ACSS3: variants seen among roughly 807,000 people sequenced by gnomAD.
ACSS3 encodes acyl-CoA synthetase short chain family member 3.
ACSS3 carries 64 observed loss-of-function variants against 84.2 expected under a neutral mutation model. The observed-to-expected ratio is 0.76, with a 90% confidence interval of 0.62 to 0.94. The LOEUF is 0.94. Among genes scored for constraint, ACSS3 ranks in the 40% least tolerant of loss-of-function variants. The pLI, the probability that ACSS3 is intolerant of heterozygous loss-of-function variation, is 0.00. For synonymous variants in ACSS3, 317 were observed against 310.1 expected (o/e 1.02, Z -0.23); for missense variants, 815 against 867.6 (o/e 0.94, Z 0.76).
intron 15 of ACSS3, among the ~76,000 whole-genome samples, chr12:81,254,039 A>G (rs1055589645): frequency 9.9e-5 from 15 of 152,084 alleles, no homozygotes; most frequent in African/African-American, 3.6e-4. Context: ...ATCCTCTCAC[A>G]TCAGTCTCAT....
At chr12:81,166,992 T>C (rs745413280) in intron 7 of ACSS3, among the ~76,000 whole-genome samples, 7 of 152,174 alleles carry the variant, frequency 4.6e-5, no homozygotes, top group African/African-American at 7.2e-5. Context: ...TGACTGCACA[T>C]CCACATGAAA....
At chr12:81,091,585 T>G (rs1269471011) in intron 1 of ACSS3, among the ~76,000 whole-genome samples, 1 of 151,954 alleles carries the variant, frequency 6.6e-6, no homozygotes, top group Non-Finnish European at 1.5e-5. Context: ...TTTGATGAAA[T>G]TTTCTCTTAC....
In ACSS3 at chr12:81,260,723, C is replaced by G. The variant is rs1185663003; in HGVS notation, c.*5801C>G. 2 of 152,178 alleles carry G rather than the reference C, an allele frequency of 1.3e-5. No individual in the cohort carries two copies. The highest frequency in any genetic ancestry group is 4.8e-5 in the African/African-American group (2 of 41,440). The allele number at this position is 152,178 out of a possible 1,614,324, so 9.4% of individuals were successfully genotyped here. On this transcript the variant is annotated 3_prime_UTR_variant, in exon 16 of 16. Coordinates refer to ENST00000548058, the MANE Select transcript of ACSS3 (RefSeq NM_024560.4). ...AAGACCAACAATAAATTGTGTGGCA[C>G]TTTTAGTTCAAGGCAATGAAAACAG...
At chr12:81,251,707 GT>G (rs1210146817) in intron 13 of ACSS3, among the ~76,000 whole-genome samples, 1 of 139,266 alleles carries the variant, frequency 7.2e-6, no homozygotes, top group African/African-American at 2.6e-5. Context: ...GCCAGCCATG[GT>G]GGTGTGCACC....
intron 7 of ACSS3, among the ~76,000 whole-genome samples, chr12:81,172,632 C>T (rs1357759731): frequency 6.6e-6 from 1 of 151,934 alleles, no homozygotes; most frequent in African/African-American, 2.4e-5. Context: ...CAAGACACTG[C>T]CTCAAAAACC....
chr12:81,216,066 G>C (rs1023275941), intron 9 of ACSS3, among the ~76,000 whole-genome samples: 2 of 151,866 alleles, frequency 1.3e-5, no homozygotes, highest in African/African-American at 2.4e-5. Flanking sequence ...TTTAAATGCA[G>C]GTTCTCTAGG....
intron 1 of ACSS3, among the ~76,000 whole-genome samples, chr12:81,107,559 T>TATAA (rs1883173665): frequency 3.5e-5 from 4 of 114,066 alleles, no homozygotes; most frequent in Admixed American, 1.9e-4. Context: ...TATATATATA[T>TATAA]AAATGTTTTT....
At chr12:81,143,386 C>A (rs1371699341) in intron 5 of ACSS3, 139 bp downstream of exon 5, 2 of 937,362 alleles carry the variant, frequency 2.1e-6, no homozygotes, top group East Asian at 2.8e-5. Flanking sequence ...TTTTTTTTTC[C>A]TGTGCCCAGT....
intron 8 of ACSS3, among the ~76,000 whole-genome samples, chr12:81,194,348 T>C (rs2031725336): frequency 6.6e-6 from 1 of 151,896 alleles, no homozygotes; most frequent in South Asian, 2.1e-4. Context: ...TCCTTAGTAT[T>C]ATACAATTAG....
intron 7 of ACSS3, among the ~76,000 whole-genome samples, chr12:81,154,042 T>A (rs974954908): frequency 6.6e-6 from 1 of 152,230 alleles, no homozygotes; most frequent in African/African-American, 2.4e-5. Context: ...GCATACTGAA[T>A]GTGCATTTAG....
At chr12:81,158,273 A>C (rs918479684) in intron 7 of ACSS3, 4 of 152,362 alleles carry the variant, frequency 2.6e-5, no homozygotes, top group Non-Finnish European at 5.9e-5. Context: ...ATTTTCAAAC[A>C]AATTCATAAA....
At chr12:81,085,259 T>C (rs1881237596) in intron 1 of ACSS3, among the ~76,000 whole-genome samples, 1 of 152,194 alleles carries the variant, frequency 6.6e-6, no homozygotes, top group African/African-American at 2.4e-5. Context: ...AGAATTGGTA[T>C]AAAGAGTACT....
chr12:81,139,828 G>T (rs958985532), intron 4 of ACSS3, among the ~76,000 whole-genome samples: 1 of 151,562 alleles, frequency 6.6e-6, no homozygotes, highest in Non-Finnish European at 1.5e-5. Context: ...GTAGAGACGG[G>T]GTTTCACCGT....
chr12:81,224,143 T>C (rs2033196790), intron 11 of ACSS3, among the ~76,000 whole-genome samples: 1 of 151,980 alleles, frequency 6.6e-6, no homozygotes, highest in Non-Finnish European at 1.5e-5. Context: ...CTTGGCAGAA[T>C]TGGGGAAGGT....
intron 1 of ACSS3, among the ~76,000 whole-genome samples, chr12:81,108,267 T>TATTAATTATTA (rs1555245688): frequency 9.5e-6 from 1 of 104,910 alleles, no homozygotes; most frequent in Non-Finnish European, 1.9e-5. Flanking sequence ...TATTATTAAT[T>TATTAATTATTA]ATTATTATTA....
chr12:81,244,514 T>C (rs887266338), intron 13 of ACSS3, among the ~76,000 whole-genome samples: 2 of 152,114 alleles, frequency 1.3e-5, no homozygotes, highest in African/African-American at 4.8e-5. Flanking sequence ...AGCTTTTCTA[T>C]TTGTTTTGAA....
At position 81,258,369 on chromosome 12, in the gene ACSS3, A is replaced by T. The variant is rs1485556421; in HGVS notation, c.*3447A>T. 6.6e-6 allele frequency: 1 copy of T among 152,178 alleles called. No homozygotes were observed. Among genetic ancestry groups the T allele is most frequent in the East Asian group, 1.9e-4 (1 of 5,192 alleles). 9.4% of individuals were successfully genotyped at this position (152,178 alleles called of 1,614,324 possible). A position where few individuals can be genotyped will look rare whatever the true frequency, so the allele number is the denominator to read the frequency against. ...ATAGACATCAAAACAAATGTAATGT[A>T]CGTGCAAACATAGCAAATTAAAATA... On this transcript the variant is annotated 3_prime_UTR_variant, in exon 16 of 16. Coordinates refer to ENST00000548058, the MANE Select transcript of ACSS3 (RefSeq NM_024560.4).
chr12:81,190,333 T>C (rs1159449068), intron 8 of ACSS3, among the ~76,000 whole-genome samples: 2 of 152,102 alleles, frequency 1.3e-5, no homozygotes, highest in Admixed American at 1.3e-4. Flanking sequence ...TGGCTTACTG[T>C]GTGAAAATCT....
At chr12:81,232,663 A>C (rs1389620743) in intron 12 of ACSS3, among the ~76,000 whole-genome samples, 1 of 151,822 alleles carries the variant, frequency 6.6e-6, no homozygotes, top group African/African-American at 2.4e-5. Flanking sequence ...ACAGATGAGA[A>C]TACTGAGTCT....
Sources: allele counts gnomAD v4.1 joint callset (sites outside exome capture counted in the v4.1 genomes callset), GRCh38; gene constraint gnomAD v4.1.1; transcripts MANE v1.5; gene names NCBI Gene and HGNC (gene_info 2026-07-23, HGNC 2026-07-21).